CHODL: variants seen among roughly 807,000 people sequenced by gnomAD.
CHODL encodes the protein transmembrane protein MT75.
Under a neutral mutation model 34.5 loss-of-function variants are expected in CHODL, and 29 were observed. That is an observed-to-expected ratio of 0.84 (90% CI 0.63 to 1.15). The LOEUF (loss-of-function observed/expected upper bound fraction) is 1.15, where lower values mean the gene tolerates loss of function less well. Ranked by LOEUF, CHODL falls within the 50% of genes most tolerant of loss-of-function variation. The pLI, the probability that CHODL is intolerant of heterozygous loss-of-function variation, is 0.00. For missense variants in CHODL, 332 were observed against 332.5 expected, an observed-to-expected ratio of 1.00 and a Z score of 0.01; for synonymous variants, 125 against 116.1, an observed-to-expected ratio of 1.08 and a Z score of -0.49.
chr21:17,933,120 C>T (rs112528991), intron 1 of CHODL, among the ~76,000 whole-genome samples: 4 of 152,324 alleles, frequency 2.6e-5, no homozygotes, highest in South Asian at 2.1e-4. Flanking sequence ...TGGTTTTCCC[C>T]TATCTCAGTA....
intron 2 of CHODL, among the ~76,000 whole-genome samples, chr21:18,079,483 T>C (rs182507509): frequency 4.0e-4 from 59 of 148,794 alleles, no homozygotes; most frequent in South Asian, 6.3e-4. Context: ...ATATATACCA[T>C]ATTACCATAG....
At chr21:18,241,519 G>C (rs2074081982), upstream of CHODL, among the ~76,000 whole-genome samples, 1 of 152,166 alleles carries the variant, frequency 6.6e-6, no homozygotes, top group African/African-American at 2.4e-5. Context: ...ATTTGTCACT[G>C]TTCGATCTGG....
chr21:18,010,188 C>T (rs1453533570), intron 1 of CHODL, among the ~76,000 whole-genome samples: 4 of 134,150 alleles, frequency 3.0e-5, no homozygotes, highest in Middle Eastern at 5.1e-3. Flanking sequence ...TCCCAGCTAC[C>T]CAGGAGGCTG....
intron 2 of CHODL, among the ~76,000 whole-genome samples, chr21:18,126,994 A>G (rs1275875965): frequency 6.6e-6 from 1 of 152,164 alleles, no homozygotes; most frequent in Non-Finnish European, 1.5e-5. Context: ...TGCCACTTCT[A>G]CTCCAATAGA....
intron 1 of CHODL, among the ~76,000 whole-genome samples, chr21:18,247,359 C>A (rs1463249189): frequency 6.6e-6 from 1 of 152,128 alleles, no homozygotes; most frequent in African/African-American, 2.4e-5. Flanking sequence ...TTCAGTACAA[C>A]AATTTATAAT....
intron 2 of CHODL, among the ~76,000 whole-genome samples, chr21:18,039,135 G>T (rs2064345341): frequency 6.6e-6 from 1 of 151,572 alleles, no homozygotes; most frequent in Non-Finnish European, 1.5e-5. Flanking sequence ...ATTCTTAATG[G>T]TCAGGATTTA....
intron 1 of CHODL, among the ~76,000 whole-genome samples, chr21:17,942,066 T>A (rs1273336415): frequency 6.6e-6 from 1 of 152,026 alleles, no homozygotes; most frequent in African/African-American, 2.4e-5. Flanking sequence ...ATACAAACAT[T>A]CAGATCATAA....
intron 1 of CHODL, among the ~76,000 whole-genome samples, chr21:17,999,065 A>G (rs1263666840): frequency 3.3e-5 from 5 of 152,114 alleles, no homozygotes; most frequent in Non-Finnish European, 7.4e-5. Context: ...CACCCAAGTC[A>G]CCTTTGAATG....
chr21:18,089,682 C>G (rs549737562), intron 2 of CHODL, among the ~76,000 whole-genome samples: 1 of 152,110 alleles, frequency 6.6e-6, no homozygotes, highest in Non-Finnish European at 1.5e-5. Flanking sequence ...AGATTGAGCT[C>G]ATGAGGTGCA....
chr21:18,079,456 TTA>T (rs532196141), intron 2 of CHODL, among the ~76,000 whole-genome samples: 4 of 148,112 alleles, frequency 2.7e-5, no homozygotes, highest in African/African-American at 7.4e-5. Flanking sequence ...CCATAGAATA[TTA>T]TATATATATC....
chr21:18,245,832 A>G, intron 1 of CHODL: 1 of 1,278,776 alleles, frequency 7.8e-7, no homozygotes, highest in Non-Finnish European at 1.1e-6. Context: ...GACTACTGGC[A>G]AGGAACTGAA....
At chr21:18,034,477 C>G (rs982103543) in intron 2 of CHODL, 1 of 151,932 alleles carries the variant, frequency 6.6e-6, no homozygotes, top group African/African-American at 2.4e-5. Context: ...TGGGGAAAGT[C>G]TACAAATTAA....
At chr21:18,096,835 C>T (rs2065145807) in intron 2 of CHODL, among the ~76,000 whole-genome samples, 1 of 152,110 alleles carries the variant, frequency 6.6e-6, no homozygotes, top group Admixed American at 6.6e-5. Context: ...ACTCCCTCCC[C>T]TTCTAAAATC....
At chr21:18,019,915 A>T (rs68057458) in intron 1 of CHODL, among the ~76,000 whole-genome samples, 31,631 of 151,812 alleles carry the variant, frequency 0.21, 3,826 homozygotes, top group African/African-American at 0.32. Context: ...TTCTGCTTGG[A>T]TACGGTGTGT....
At chr21:18,218,062 G>T (rs1286410944) in intron 2 of CHODL, among the ~76,000 whole-genome samples, 1 of 152,194 alleles carries the variant, frequency 6.6e-6, no homozygotes, top group African/African-American at 2.4e-5. Flanking sequence ...GCTTTTCCAG[G>T]TACACTGTGC....
intron 2 of CHODL, among the ~76,000 whole-genome samples, chr21:18,185,958 C>T (rs1568928040): frequency 6.6e-6 from 1 of 152,096 alleles, no homozygotes; most frequent in African/African-American, 2.4e-5. Context: ...AATACCATCG[C>T]CTTAGTGATT....
chr21:18,053,898 G>A (rs1365811329), intron 2 of CHODL, among the ~76,000 whole-genome samples: 1 of 151,338 alleles, frequency 6.6e-6, no homozygotes, highest in Non-Finnish European at 1.5e-5. Flanking sequence ...TATAGTATGT[G>A]TGATATGACA....
intron 1 of CHODL, among the ~76,000 whole-genome samples, chr21:18,249,135 TAA>T (rs2074204138): frequency 1.5e-5 from 2 of 134,398 alleles, no homozygotes; most frequent in Non-Finnish European, 3.1e-5. Context: ...ACATATATAA[TAA>T]TATATATATA....
intron 2 of CHODL, among the ~76,000 whole-genome samples, chr21:18,113,592 A>G (rs999831002): frequency 4.6e-5 from 7 of 152,136 alleles, no homozygotes; most frequent in African/African-American, 1.7e-4. Flanking sequence ...GGGAAGTGCT[A>G]CTGCTATACA....
Sources: allele counts gnomAD v4.1 joint callset (sites outside exome capture counted in the v4.1 genomes callset), GRCh38; gene constraint gnomAD v4.1.1; transcripts MANE v1.5; gene names NCBI Gene and HGNC (gene_info 2026-07-23, HGNC 2026-07-21).